CCDC125: variants seen among roughly 807,000 people sequenced by gnomAD.
CCDC125 encodes the protein coiled-coil domain containing 125.
CCDC125 carries 43 observed loss-of-function variants against 57.4 expected under a neutral mutation model. The observed-to-expected ratio is 0.75, with a 90% CI of 0.59 to 0.97. The LOEUF is 0.97. CCDC125 is among the 50% of genes least tolerant of loss of function. CCDC125 has a pLI of 0.00. For synonymous variants in CCDC125, 187 were observed against 195.2 expected, an observed-to-expected ratio of 0.96 and a Z score of 0.35; for missense variants, 563 against 595.7, an observed-to-expected ratio of 0.95 and a Z score of 0.57.
chr5:69,329,260 C>G (rs1761116837), intron 1 of CCDC125, among the ~76,000 whole-genome samples: 1 of 151,380 alleles, frequency 6.6e-6, no homozygotes, highest in African/African-American at 2.4e-5. Context: ...GACCTCTGGG[C>G]TCAAGTGACC....
Position 69,280,566 on chromosome 5 carries a change from T to G in CCDC125, c.*2163A>C, listed in dbSNP as rs905532499. 1.3e-5 allele frequency: 2 copies of G among 152,212 alleles called. No homozygotes were observed. The highest frequency in any genetic ancestry group is 4.8e-5 in the African/African-American group (2 of 41,462). 9.4% of individuals were successfully genotyped at this position (152,212 alleles called of 1,614,324 possible). The stretch of plus-strand genomic sequence containing the variant: ...CCTGAATTCTCTCTCTCAGGTGTAC[T>G]GTCTGTTCTGCACCTAACTTTCAAA... On this transcript the variant is annotated 3_prime_UTR_variant, in exon 12 of 12. Coordinates refer to ENST00000396496, the MANE Select transcript of CCDC125 (RefSeq NM_176816.5).
At chr5:69,310,442 C>T (rs193232246) in intron 4 of CCDC125, 69 of 156,848 alleles carry the variant, frequency 4.4e-4, no homozygotes, top group East Asian at 1.7e-3. Flanking sequence ...GCTGCTGCCA[C>T]GTAGGAACTG....
intron 1 of CCDC125, among the ~76,000 whole-genome samples, chr5:69,321,103 A>G (rs1759950005): frequency 6.6e-6 from 1 of 152,200 alleles, no homozygotes; most frequent in Non-Finnish European, 1.5e-5. Context: ...TTCCTTTGCA[A>G]TACATTGCAC....
chr5:69,276,671 A>AAT, downstream of CCDC125: 1 of 1,614,176 alleles, frequency 6.2e-7, no homozygotes, highest in Non-Finnish European at 8.5e-7. Flanking sequence ...AAAGGAAAAG[A>AAT]ACAGAGGCCT....
downstream of CCDC125, among the ~76,000 whole-genome samples, chr5:69,279,512 T>C (rs149168297): frequency 6.6e-6 from 1 of 152,262 alleles, no homozygotes; most frequent in East Asian, 1.9e-4. Context: ...GCAGTTCTTA[T>C]AGTTGCAATT....
At chr5:69,311,028 A>G (rs1758044245) in intron 4 of CCDC125, 90 bp downstream of exon 4, 1 of 758,246 alleles carries the variant, frequency 1.3e-6, no homozygotes, top group Non-Finnish European at 2.2e-6. Flanking sequence ...AACTATATTA[A>G]GTCCTTCTGC....
intron 1 of CCDC125, among the ~76,000 whole-genome samples, chr5:69,328,676 T>C: frequency 6.6e-6 from 1 of 152,290 alleles, no homozygotes; most frequent in East Asian, 1.9e-4. Flanking sequence ...CCATATACCA[T>C]TTTTATAATA....
At chr5:69,311,758 G>C (rs948551067) in intron 3 of CCDC125, among the ~76,000 whole-genome samples, 1 of 150,490 alleles carries the variant, frequency 6.6e-6, no homozygotes, top group African/African-American at 2.4e-5. Context: ...CTCTGAGACA[G>C]AGTCTCACTC....
downstream of CCDC125, among the ~76,000 whole-genome samples, chr5:69,275,342 T>C (rs1752010176): frequency 6.6e-6 from 1 of 152,176 alleles, no homozygotes; most frequent in Non-Finnish European, 1.5e-5. Context: ...AAAGCCTTAT[T>C]TTTTAAGAAT....
chr5:69,292,417 G>A (rs778941920), intron 9 of CCDC125, 55 bp from the exon 10 acceptor site: 133 of 1,324,312 alleles, frequency 1.0e-4, no homozygotes, highest in Non-Finnish European at 1.4e-4. Context: ...AACAATTCTT[G>A]CTGAATGGGG....
Position 69,325,325 on chromosome 5 carries a change from C to CAAAA in CCDC125, c.-40-4749_-40-4746dup, listed in dbSNP as rs10689123. ...TGGGCAACAGAGTGAGATTCTGTCT[C>CAAAA]AAAAAAAAAAAAAAAAAAGATGTAA... is the stretch of plus-strand genomic sequence containing the variant. On this transcript the variant is annotated intron_variant, in intron 1 of 11. Coordinates refer to ENST00000396496, the MANE Select transcript of CCDC125 (RefSeq NM_176816.5). Among the ~76,000 whole-genome samples the CAAAA allele has an allele frequency of 2.5e-3, 270 of 107,886 alleles. 2 individuals are homozygous for CAAAA. Among genetic ancestry groups the CAAAA allele is most frequent in the African/African-American group, 4.2e-3 (120 of 28,342 alleles). The allele number at this position is 107,886 out of a possible 152,430, so 70.8% of individuals were successfully genotyped here.
chr5:69,286,188 CTATATATATATAT>C, intron 10 of CCDC125, among the ~76,000 whole-genome samples: 1 of 51,340 alleles, frequency 1.9e-5, no homozygotes, highest in African/African-American at 7.8e-5. Context: ...AAATGGTAAA[CTATATATATATAT>C]ATATATATAT....
chr5:69,320,632 C>G (rs555800010), intron 1 of CCDC125, 52 bp from the exon 2 acceptor site: 1 of 769,752 alleles, frequency 1.3e-6, no homozygotes, highest in South Asian at 1.7e-5. Flanking sequence ...TCCAGCAACC[C>G]CACCTCTCGA....
Position 69,306,866 on chromosome 5 carries a change from G to A in CCDC125, c.568C>T (p.His190Tyr), listed in dbSNP as rs923209673. The change falls in exon 6 of 12, where the codon CAT (histidine) becomes TAT (tyrosine). Residue 190 changes from histidine to tyrosine, a missense_variant. By Grantham distance (83) the His-to-Tyr change is moderately conservative (BLOSUM62 2). Transcript: ENST00000396496. ...NALQWEIEFDHNRFKNIEESW... is the reference protein window; with the variant it reads ...NALQWEIEFDYNRFKNIEESW... ...TCCTCTATATTTTTAAATCTATTATGATCAAATTCTATTTCCCACTGCAAG... is the reference window on the plus strand; with the variant it reads ...TCCTCTATATTTTTAAATCTATTATAATCAAATTCTATTTCCCACTGCAAG... 6.5e-7 allele frequency: 1 copy of A among 1,527,130 alleles called. No homozygotes were observed. Among genetic ancestry groups the A allele is most frequent in the Non-Finnish European group, 8.8e-7 (1 of 1,142,116 alleles). 94.6% of individuals were successfully genotyped at this position (1,527,130 alleles called of 1,614,324 possible).
rs202230974 is a variant in CCDC125 at position 69,282,889 on chromosome 5, C to G, written c.1376G>C (p.Arg459Pro). 1.2e-6 allele frequency: 2 copies of G among 1,614,090 alleles called. No homozygotes were observed. Among genetic ancestry groups the G allele is most frequent in the Non-Finnish European group, 1.7e-6 (2 of 1,180,018 alleles). Reference protein sequence around the residue: ...KENFPFNNPWRKTSEFSVLGD... With the variant: ...KENFPFNNPWPKTSEFSVLGD... The stretch of plus-strand genomic sequence containing the variant: ...CAAAACAGAGAATTCTGAAGTCTTA[C>G]GCCAGGGGTTGTTGAAAGGGAAATT... Residue 459 changes from arginine (R) to proline (P), a missense_variant, in exon 12 of 12, where the codon CGT (arginine) becomes CCT (proline). Physicochemically the swap from Arg to Pro is moderately radical, Grantham distance 103 (BLOSUM62 -2). Coordinates refer to ENST00000396496, the MANE Select transcript of CCDC125 (RefSeq NM_176816.5).
intron 10 of CCDC125, among the ~76,000 whole-genome samples, chr5:69,289,005 A>C (rs942597362): frequency 6.6e-6 from 1 of 152,192 alleles, no homozygotes; most frequent in Non-Finnish European, 1.5e-5. Context: ...CATATTCTCA[A>C]GTGCTGAAAT....
intron 4 of CCDC125, 124 bp downstream of exon 4, chr5:69,310,994 A>C (rs1442141031): frequency 7.5e-6 from 4 of 531,904 alleles, no homozygotes; most frequent in Non-Finnish European, 1.3e-5. Flanking sequence ...GCTCTTAAAA[A>C]TATACATACC....
chr5:69,277,864 G>C (rs1752283618), downstream of CCDC125, among the ~76,000 whole-genome samples: 1 of 151,994 alleles, frequency 6.6e-6, no homozygotes, highest in Non-Finnish European at 1.5e-5. Context: ...AAACATTACA[G>C]ATAAAATTGA....
intron 1 of CCDC125, among the ~76,000 whole-genome samples, chr5:69,323,379 C>G (rs1442370075): frequency 6.6e-6 from 1 of 152,090 alleles, no homozygotes; most frequent in East Asian, 1.9e-4. Context: ...GGCACATCCT[C>G]CTGTGTACTT....
Sources: allele counts gnomAD v4.1 joint callset (sites outside exome capture counted in the v4.1 genomes callset), GRCh38; gene constraint gnomAD v4.1.1; transcripts MANE v1.5; gene names NCBI Gene and HGNC (gene_info 2026-07-23, HGNC 2026-07-21).